Variants in SLC4A4 observed in about 807,000 individuals in gnomAD.
The protein encoded by SLC4A4 is electrogenic sodium bicarbonate cotransporter 1.
SLC4A4 carries 27 observed loss-of-function variants against 111.5 expected under a neutral mutation model. That is an observed-to-expected ratio of 0.24 (90% CI 0.18 to 0.33). The LOEUF is 0.33. SLC4A4 is among the 10% of genes least tolerant of loss of function. The probability of loss-of-function intolerance (pLI) is 1.00; values close to 1 mark genes in which losing one functional copy is unlikely to be tolerated. For synonymous variants in SLC4A4, 443 were observed against 463.4 expected (o/e 0.96, Z 0.57); for missense variants, 909 against 1,315.5 (o/e 0.69, Z 4.78).
intron 6 of SLC4A4, among the ~76,000 whole-genome samples, chr4:71,394,675 C>T (rs1456989671): frequency 1.3e-5 from 2 of 151,994 alleles, no homozygotes; most frequent in Admixed American, 6.6e-5. Flanking sequence ...GGAACCAACT[C>T]GAATGCCCAT....
intron 3 of SLC4A4, among the ~76,000 whole-genome samples, chr4:71,271,647 G>T (rs189886168): frequency 2.6e-5 from 4 of 152,278 alleles, no homozygotes; most frequent in Admixed American, 2.6e-4. Flanking sequence ...CTACAGAGAA[G>T]TGGAGATTTT....
chr4:71,102,830 A>C (rs62302376), intron 2 of SLC4A4, among the ~76,000 whole-genome samples: 219 of 139,990 alleles, frequency 1.6e-3, no homozygotes, highest in East Asian at 7.5e-3. Context: ...CAAAATGTAA[A>C]GACCATCGAG....
intron 16 of SLC4A4, among the ~76,000 whole-genome samples, chr4:71,498,355 G>T (rs1371333610): frequency 6.6e-6 from 1 of 152,066 alleles, no homozygotes; most frequent in East Asian, 1.9e-4. Flanking sequence ...TGGCATTTTG[G>T]TTTTTTGCCT....
At chr4:71,414,392 G>C (rs1721657229) in intron 7 of SLC4A4, among the ~76,000 whole-genome samples, 1 of 152,226 alleles carries the variant, frequency 6.6e-6, no homozygotes, top group African/African-American at 2.4e-5. Context: ...GGAGCAAAGG[G>C]TGGGAGAAGC....
intron 2 of SLC4A4, among the ~76,000 whole-genome samples, chr4:71,152,872 G>T (rs1374116624): frequency 6.6e-6 from 1 of 151,010 alleles, no homozygotes; most frequent in African/African-American, 2.4e-5. Context: ...CTAAATAAAA[G>T]GAAGAATTAT....
At chr4:71,111,540 T>G (rs1392678053) in intron 2 of SLC4A4, among the ~76,000 whole-genome samples, 8 of 138,554 alleles carry the variant, frequency 5.8e-5, no homozygotes, top group African/African-American at 2.0e-4. Flanking sequence ...TTTTTTTTTT[T>G]TTTTTTTTTT....
At chr4:71,225,343 C>A (rs2149026864) in intron 1 of SLC4A4, among the ~76,000 whole-genome samples, 1 of 150,722 alleles carries the variant, frequency 6.6e-6, no homozygotes, top group East Asian at 1.9e-4. Context: ...CAGAACAAGA[C>A]TCCGTTTAAA....
chr4:71,551,750 C>T (rs1226456684), intron 20 of SLC4A4, among the ~76,000 whole-genome samples: 1 of 151,908 alleles, frequency 6.6e-6, no homozygotes, highest in African/African-American at 2.4e-5. Context: ...GATCCAACTT[C>T]CAGTCCTTTC....
chr4:71,210,736 T>G (rs1406795910), intron 1 of SLC4A4, among the ~76,000 whole-genome samples: 4 of 152,216 alleles, frequency 2.6e-5, no homozygotes. Flanking sequence ...TGTTGGAGGT[T>G]GAAGCTATGT....
chr4:71,205,274 G>C (rs1001865231), intron 1 of SLC4A4, among the ~76,000 whole-genome samples: 24 of 152,146 alleles, frequency 1.6e-4, no homozygotes, highest in Non-Finnish European at 1.0e-4. Flanking sequence ...ATCCCTTTAT[G>C]CTTTGAGAAA....
At chr4:71,452,258 A>G (rs1365586902) in intron 11 of SLC4A4, among the ~76,000 whole-genome samples, 3 of 152,176 alleles carry the variant, frequency 2.0e-5, no homozygotes, top group Non-Finnish European at 4.4e-5. Context: ...AGAACATAAA[A>G]TCTTCTCTCC....
At chr4:71,230,719 T>C (rs1290187855) in intron 1 of SLC4A4, among the ~76,000 whole-genome samples, 2 of 152,194 alleles carry the variant, frequency 1.3e-5, no homozygotes, top group Non-Finnish European at 2.9e-5. Context: ...TGCTATGAAC[T>C]TGATCCATGT....
intron 1 of SLC4A4, among the ~76,000 whole-genome samples, chr4:71,211,321 T>G (rs1278102944): frequency 6.6e-6 from 1 of 152,248 alleles, no homozygotes; most frequent in African/African-American, 2.4e-5. Flanking sequence ...TCTGTAAATT[T>G]AGGTCTGTCA....
At chr4:71,352,722 A>G (rs1670836503) in intron 5 of SLC4A4, among the ~76,000 whole-genome samples, 1 of 152,232 alleles carries the variant, frequency 6.6e-6, no homozygotes, top group Admixed American at 6.5e-5. Flanking sequence ...CTGTCTACTT[A>G]CATGTCTATC....
At position 71,454,115 on chromosome 4, in the gene SLC4A4, G is replaced by C. The variant is rs568718488; in HGVS notation, c.1497+446G>C. Among the ~76,000 whole-genome samples, 4 of 152,084 alleles carry C rather than the reference G, an allele frequency of 2.6e-5. No homozygotes were observed. The South Asian group carries it at 6.3e-4, about 24-fold the overall frequency. On this transcript the variant is annotated intron_variant, in intron 12 of 25. Coordinates refer to ENST00000264485, the MANE Select transcript of SLC4A4 (RefSeq NM_001098484.3). ...CATTGAGCGATTTGCTCAAAGTTGGGTTTGCATGTTTACCAGTATAATTTG... is the reference window on the plus strand; with the variant it reads ...CATTGAGCGATTTGCTCAAAGTTGGCTTTGCATGTTTACCAGTATAATTTG...
At chr4:71,346,696 T>G (rs1729361613) in intron 4 of SLC4A4, among the ~76,000 whole-genome samples, 2 of 152,128 alleles carry the variant, frequency 1.3e-5, no homozygotes, top group Non-Finnish European at 2.9e-5. Flanking sequence ...AAATTTGTCC[T>G]TGATATGCGA....
chr4:71,079,767 C>G (rs1328462668), intron 1 of SLC4A4, among the ~76,000 whole-genome samples: 2 of 107,012 alleles, frequency 1.9e-5, no homozygotes, highest in Non-Finnish European at 4.3e-5. Flanking sequence ...TAGAATGAAA[C>G]TCTGTCTCAA....
At chr4:71,300,837 G>C in intron 3 of SLC4A4, 1 of 456,732 alleles carries the variant, frequency 2.2e-6, no homozygotes, top group Non-Finnish European at 4.4e-6. Flanking sequence ...AGCAGTGCTG[G>C]AGGCAGAGAC....
intron 2 of SLC4A4, among the ~76,000 whole-genome samples, chr4:71,138,341 C>G (rs1458334712): frequency 2.0e-5 from 3 of 152,070 alleles, no homozygotes; most frequent in East Asian, 3.9e-4. Flanking sequence ...TCCAGGCAAA[C>G]ATGATAAAGC....
Sources: gnomAD v4.1 joint callset for allele counts (sites outside exome capture counted in the v4.1 genomes callset) on GRCh38, gnomAD v4.1.1 for gene constraint, MANE v1.5 for transcripts, NCBI Gene and HGNC (gene_info 2026-07-23, HGNC 2026-07-21) for gene names.